The following FMN2 variants were observed in gnomAD, a reference collection of about 807,000 sequenced individuals.
FMN2 encodes the protein formin-2.
A neutral mutation model predicts 142.3 loss-of-function variants in FMN2; 51 were observed. The observed-to-expected ratio is 0.36, with a 90% CI of 0.29 to 0.45. FMN2 has a LOEUF of 0.45. Among genes scored for constraint, FMN2 ranks in the 20% least tolerant of loss-of-function variants. The pLI is 1.00. For synonymous variants in FMN2, 882 were observed against 869.8 expected (o/e 1.01, Z -0.25); for missense variants, 1,936 against 2,122.8 (o/e 0.91, Z 1.73).
chr1:240,292,348 C>T (rs574036508), intron 7 of FMN2, among the ~76,000 whole-genome samples: 158 of 152,276 alleles, frequency 1.0e-3, no homozygotes, highest in Non-Finnish European at 2.1e-3. Context: ...AAAATGCATT[C>T]AGTCATTCTT....
chr1:240,146,437 T>G (rs1192128823), intron 2 of FMN2, among the ~76,000 whole-genome samples: 1 of 147,986 alleles, frequency 6.8e-6, no homozygotes, highest in Non-Finnish European at 1.5e-5. Context: ...GCACAGTGGC[T>G]CACACTTGTA....
intron 16 of FMN2, among the ~76,000 whole-genome samples, chr1:240,452,757 T>C (rs796818213): frequency 9.8e-5 from 15 of 152,336 alleles, no homozygotes; most frequent in African/African-American, 3.6e-4. Flanking sequence ...TTGCAGGTGC[T>C]CACAGATAAC....
At chr1:240,129,735 T>G (rs1048746335) in intron 2 of FMN2, among the ~76,000 whole-genome samples, 1 of 152,022 alleles carries the variant, frequency 6.6e-6, no homozygotes, top group African/African-American at 2.4e-5. Flanking sequence ...ACTCCTGACC[T>G]CAAGTGATCC....
chr1:240,154,107 CAAAAAA>C (rs3047182), intron 2 of FMN2, among the ~76,000 whole-genome samples: 92 of 55,316 alleles, frequency 1.7e-3, no homozygotes, highest in Non-Finnish European at 2.5e-3. Flanking sequence ...GAGATTCCAT[CAAAAAA>C]AAAAAAAAAA....
At chr1:240,280,886 C>A (rs1669373999) in intron 7 of FMN2, among the ~76,000 whole-genome samples, 1 of 152,070 alleles carries the variant, frequency 6.6e-6, no homozygotes, top group Non-Finnish European at 1.5e-5. Flanking sequence ...AATCAACAAA[C>A]CTCTCCAAAA....
chr1:240,195,659 T>G (rs2103361511), intron 4 of FMN2, among the ~76,000 whole-genome samples: 1 of 152,352 alleles, frequency 6.6e-6, no homozygotes, highest in Non-Finnish European at 1.5e-5. Flanking sequence ...ACTAATTTGA[T>G]GTTCACAAAG....
At chr1:240,325,153 T>C (rs1393514986) in intron 8 of FMN2, among the ~76,000 whole-genome samples, 1 of 151,092 alleles carries the variant, frequency 6.6e-6, no homozygotes, top group African/African-American at 2.4e-5. Context: ...AGCCCAGGAG[T>C]TTGAGACCAG....
chr1:240,103,850 G>T (rs1010761520), intron 1 of FMN2, among the ~76,000 whole-genome samples: 4 of 151,966 alleles, frequency 2.6e-5, no homozygotes, highest in Admixed American at 6.6e-5. Context: ...TCTTTACTAT[G>T]TACATATTAA....
intron 13 of FMN2, among the ~76,000 whole-genome samples, chr1:240,347,870 T>C (rs889687348): frequency 2.0e-5 from 3 of 152,224 alleles, no homozygotes; most frequent in Admixed American, 6.5e-5. Context: ...AAGGACATGA[T>C]TTTGTTCTGT....
At chr1:240,290,576 T>A (rs1203143272) in intron 7 of FMN2, among the ~76,000 whole-genome samples, 3 of 152,126 alleles carry the variant, frequency 2.0e-5, no homozygotes, top group Non-Finnish European at 4.4e-5. Flanking sequence ...TTTCCCCACA[T>A]GATAAGCATA....
chr1:240,159,517 G>C (rs755563691), intron 2 of FMN2, among the ~76,000 whole-genome samples: 2 of 152,042 alleles, frequency 1.3e-5, no homozygotes, highest in Non-Finnish European at 2.9e-5. Flanking sequence ...CTAAGAGTCA[G>C]GTATTACTTT....
chr1:240,209,018 A>G (rs1558366524), intron 5 of FMN2, among the ~76,000 whole-genome samples: 1 of 152,072 alleles, frequency 6.6e-6, no homozygotes, highest in Non-Finnish European at 1.5e-5. Flanking sequence ...TGAGGGATAT[A>G]TTTTTCTTAA....
At chr1:240,285,246 G>A (rs535407717) in intron 7 of FMN2, 34 of 455,484 alleles carry the variant, frequency 7.5e-5, no homozygotes, top group African/African-American at 6.6e-4. Flanking sequence ...AAGCCAACAC[G>A]ATTCATGATG....
At chr1:240,314,359 T>A (rs1670697115) in intron 8 of FMN2, among the ~76,000 whole-genome samples, 1 of 152,166 alleles carries the variant, frequency 6.6e-6, no homozygotes, top group Non-Finnish European at 1.5e-5. Flanking sequence ...GGAGGGTTGC[T>A]GTATTACGTC....
chr1:240,163,711 G>T (rs1214858190), intron 2 of FMN2, among the ~76,000 whole-genome samples: 2 of 151,682 alleles, frequency 1.3e-5, no homozygotes, highest in Non-Finnish European at 2.9e-5. Context: ...TAAATGCTTG[G>T]ATTTAAAGTA....
Position 240,254,591 on chromosome 1 carries a change from C to T in FMN2, c.4066-3354C>T, listed in dbSNP as rs116177683. Among the ~76,000 whole-genome samples the T allele has an allele frequency of 6.0e-3, 911 of 152,180 alleles. 4 individuals are homozygous for T. Among genetic ancestry groups the T allele is most frequent in the Non-Finnish European group, 9.7e-3 (660 of 67,980 alleles). On this transcript the variant is annotated intron_variant, in intron 6 of 17. Coordinates refer to ENST00000319653, the MANE Select transcript of FMN2 (RefSeq NM_020066.5). Reference sequence around the variant, plus strand: ...CAGAATAGCTGGATGGGGGTGGCAGCGACTGTGTGGTGGCCCTGAGGCCCT... The same window carrying T: ...CAGAATAGCTGGATGGGGGTGGCAGTGACTGTGTGGTGGCCCTGAGGCCCT...
intron 1 of FMN2, among the ~76,000 whole-genome samples, chr1:240,096,669 C>A (rs1661209929): frequency 6.6e-6 from 1 of 152,196 alleles, no homozygotes; most frequent in Admixed American, 6.5e-5. Flanking sequence ...ATCATTATAT[C>A]TATAAGCTTC....
chr1:240,247,691 T>C (rs538007908), intron 6 of FMN2, among the ~76,000 whole-genome samples: 25 of 152,236 alleles, frequency 1.6e-4, no homozygotes, highest in Admixed American at 9.2e-4. Flanking sequence ...AGGGATGAGA[T>C]GAAACGGGTG....
chr1:240,474,214 C>T lies in FMN2; in HGVS notation c.*60C>T, dbSNP rs748167999. On this transcript the variant is annotated 3_prime_UTR_variant, in exon 18 of 18. Coordinates refer to ENST00000319653, the MANE Select transcript of FMN2 (RefSeq NM_020066.5). ...ACGACTTTCACAAAATTCAGCTGAC[C>T]TGAGAGTGGGAGGGAAACTACCGTC... is the stretch of plus-strand genomic sequence containing the variant. 2.7e-6 allele frequency: 4 copies of T among 1,460,076 alleles called. No individual in the cohort carries two copies. Among genetic ancestry groups the T allele is most frequent in the Non-Finnish European group, 3.7e-6 (4 of 1,089,320 alleles). 90.4% of individuals were successfully genotyped at this position (1,460,076 alleles called of 1,614,324 possible).
Sources: gnomAD v4.1 joint callset for allele counts (sites outside exome capture counted in the v4.1 genomes callset) on GRCh38, gnomAD v4.1.1 for gene constraint, MANE v1.5 for transcripts, NCBI Gene and HGNC (gene_info 2026-07-23, HGNC 2026-07-21) for gene names.